SLC25A24: variants seen among roughly 807,000 people sequenced by gnomAD.
The protein encoded by SLC25A24 is mitochondrial adenyl nucleotide antiporter SLC25A24.
A neutral mutation model predicts 60.7 loss-of-function variants in SLC25A24; 49 were observed. That is an observed-to-expected ratio of 0.81 (90% CI 0.64 to 1.02). SLC25A24 has a LOEUF of 1.02. Ranked by LOEUF, SLC25A24 falls within the 50% of genes least tolerant of loss-of-function variation. The pLI, the probability that SLC25A24 is intolerant of heterozygous loss-of-function variation, is 0.00. For missense variants in SLC25A24, 564 were observed against 586.3 expected (o/e 0.96, Z 0.39); for synonymous variants, 202 against 200.6 (o/e 1.01, Z -0.06).
intron 6 of SLC25A24, among the ~76,000 whole-genome samples, chr1:108,153,844 T>C (rs546610935): frequency 6.6e-6 from 1 of 152,320 alleles, no homozygotes; most frequent in South Asian, 2.1e-4. Flanking sequence ...ATGGACTTTT[T>C]CAAAAATACC....
chr1:108,155,211 T>A, intron 5 of SLC25A24, 76 bp from the exon 6 acceptor site: 2 of 1,288,814 alleles, frequency 1.6e-6, no homozygotes, highest in Non-Finnish European at 2.1e-6. Flanking sequence ...CCACACAATC[T>A]TTTTCAATAC....
intron 3 of SLC25A24, 121 bp from the exon 4 acceptor site, chr1:108,161,414 A>G: frequency 1.6e-6 from 1 of 631,892 alleles, no homozygotes; most frequent in Admixed American, 3.3e-5. Context: ...AAATTAAAAA[A>G]CCCCATCCAC....
intron 7 of SLC25A24, among the ~76,000 whole-genome samples, chr1:108,145,143 T>G (rs1016842206): frequency 6.6e-6 from 1 of 152,328 alleles, no homozygotes; most frequent in Admixed American, 6.5e-5. Context: ...GCCATTGTGG[T>G]TTTGATTTGC....
chr1:108,140,060 TAA>T (rs1367501447), intron 8 of SLC25A24, among the ~76,000 whole-genome samples: 1 of 152,136 alleles, frequency 6.6e-6, no homozygotes, highest in Non-Finnish European at 1.5e-5. Context: ...TTTTTAAACA[TAA>T]GATACTTTAA....
At position 108,144,192 on chromosome 1, in the gene SLC25A24, A is replaced by T. The variant is rs80008645; in HGVS notation, c.931-482T>A. ...ACAATCATATTAAGATGCTTAAAAA[A>T]AGCTGTATTAGCATGCATACCACAT... is the stretch of plus-strand genomic sequence containing the variant. On this transcript the variant is annotated intron_variant, in intron 7 of 9. Coordinates refer to ENST00000565488, the MANE Select transcript of SLC25A24 (RefSeq NM_013386.5). Among the ~76,000 whole-genome samples the T allele has an allele frequency of 1.1e-4, 17 of 152,288 alleles. No homozygotes were observed. The East Asian group carries it at 2.9e-3, about 26-fold the overall frequency.
In SLC25A24 at chr1:108,136,577, T is replaced by C; in HGVS notation, c.*76A>G. The C allele has an allele frequency of 7.7e-7, 1 of 1,301,350 alleles. No individual in the cohort carries two copies. The highest frequency in any genetic ancestry group is 2.1e-5 in the Admixed American group (1 of 47,866). 80.6% of individuals were successfully genotyped at this position (1,301,350 alleles called of 1,614,324 possible). A position where few individuals can be genotyped will look rare whatever the true frequency, so the allele number is the denominator to read the frequency against. On this transcript the variant is annotated 3_prime_UTR_variant, in exon 10 of 10. Transcript: ENST00000565488. ...GCAGCTTCTTTTGCCATAGACTTGT[T>C]TCAATTCGAGGAGAAAAAGTCACTC...
At chr1:108,154,925 A>T in intron 6 of SLC25A24, 58 bp downstream of exon 6, 2 of 1,324,526 alleles carry the variant, frequency 1.5e-6, no homozygotes, top group Non-Finnish European at 2.1e-6. Flanking sequence ...ATTAACATTT[A>T]TTGAATCCGT....
chr1:108,165,833 A>C (rs1325944690), intron 3 of SLC25A24, among the ~76,000 whole-genome samples: 1 of 152,142 alleles, frequency 6.6e-6, no homozygotes, highest in East Asian at 1.9e-4. Context: ...TGATCCTGTC[A>C]TTATGATGTT....
intron 3 of SLC25A24, among the ~76,000 whole-genome samples, chr1:108,168,851 C>T (rs985749171): frequency 2.6e-5 from 4 of 152,142 alleles, no homozygotes; most frequent in Non-Finnish European, 5.9e-5. Context: ...CTTTTTAATG[C>T]AGCTGAATTC....
At chr1:108,147,314 T>C (rs1679630982) in intron 7 of SLC25A24, among the ~76,000 whole-genome samples, 2 of 152,212 alleles carry the variant, frequency 1.3e-5, no homozygotes, top group African/African-American at 4.8e-5. Flanking sequence ...TTTTCTTCTT[T>C]ATTATTCTGG....
At chr1:108,161,603 G>T (rs945998982) in intron 3 of SLC25A24, among the ~76,000 whole-genome samples, 5 of 152,088 alleles carry the variant, frequency 3.3e-5, no homozygotes, top group Admixed American at 3.3e-4. Flanking sequence ...AATATTAAAC[G>T]ATGGTAATGA....
chr1:108,183,762 C>A (rs1396153498), intron 2 of SLC25A24, among the ~76,000 whole-genome samples: 1 of 152,060 alleles, frequency 6.6e-6, no homozygotes, highest in Non-Finnish European at 1.5e-5. Flanking sequence ...AAAACTGGCA[C>A]AAAACAGACC....
At chr1:108,178,364 A>G (rs1647772908) in intron 3 of SLC25A24, among the ~76,000 whole-genome samples, 1 of 152,228 alleles carries the variant, frequency 6.6e-6, no homozygotes, top group Non-Finnish European at 1.5e-5. Flanking sequence ...GATCAGACAT[A>G]AAACATTTCA....
At chr1:108,162,879 T>C (rs994245270) in intron 3 of SLC25A24, among the ~76,000 whole-genome samples, 9 of 150,168 alleles carry the variant, frequency 6.0e-5, no homozygotes, top group Admixed American at 1.3e-4. Flanking sequence ...CATGCCTATG[T>C]CCTGAATGGT....
chr1:108,135,657 T>G lies in SLC25A24; in HGVS notation c.*996A>C, dbSNP rs776293580. ...AGAGTAATACATACTACTATTAATA[T>G]GTATCTCTCACCTTTGTGCTGCCCA... On this transcript the variant is annotated 3_prime_UTR_variant, in exon 10 of 10. Transcript: ENST00000565488. 2.6e-5 allele frequency: 4 copies of G among 152,554 alleles called. No individual in the cohort carries two copies. The highest frequency in any genetic ancestry group is 4.4e-5 in the Non-Finnish European group (3 of 68,040). 9.5% of individuals were successfully genotyped at this position (152,554 alleles called of 1,614,324 possible).
At chr1:108,191,765 T>G (rs1438844413) in intron 1 of SLC25A24, among the ~76,000 whole-genome samples, 1 of 140,088 alleles carries the variant, frequency 7.1e-6, no homozygotes, top group Non-Finnish European at 1.6e-5. Flanking sequence ...ATAGTCCACA[T>G]GCTCATGATC....
chr1:108,173,207 A>C (rs1302502144), intron 3 of SLC25A24, among the ~76,000 whole-genome samples: 1 of 152,094 alleles, frequency 6.6e-6, no homozygotes, highest in Non-Finnish European at 1.5e-5. Context: ...TCCCCACCCA[A>C]ATCTCATCTT....
chr1:108,160,972 G>GGA (rs1680060442), intron 4 of SLC25A24, among the ~76,000 whole-genome samples: 1 of 151,988 alleles, frequency 6.6e-6, no homozygotes, highest in South Asian at 2.1e-4. Flanking sequence ...GTGGGGAGGG[G>GGA]GAGAGAGAGG....
intron 3 of SLC25A24, among the ~76,000 whole-genome samples, chr1:108,162,618 T>G (rs1680119843): frequency 6.6e-6 from 1 of 152,206 alleles, no homozygotes; most frequent in Non-Finnish European, 1.5e-5. Flanking sequence ...GTTCATGTCC[T>G]TCACCCACTT....
Sources: gnomAD v4.1 joint callset for allele counts (sites outside exome capture counted in the v4.1 genomes callset) on GRCh38, gnomAD v4.1.1 for gene constraint, MANE v1.5 for transcripts, NCBI Gene and HGNC (gene_info 2026-07-23, HGNC 2026-07-21) for gene names.